The following PIGH variants were observed in gnomAD, a reference collection of about 807,000 sequenced individuals.
PIGH encodes phosphatidylinositol glycan anchor biosynthesis class H, also known as phosphatidylinositol N-acetylglucosaminyltransferase subunit H.
PIGH carries 11 observed loss-of-function variants against 20.1 expected under a neutral mutation model. The ratio of observed to expected loss-of-function variants is 0.55; its 90% confidence interval spans 0.34 to 0.91. The LOEUF is 0.91. Ranked by LOEUF, PIGH falls within the 40% of genes least tolerant of loss-of-function variation. The probability of loss-of-function intolerance (pLI) is 0.02; values close to 1 mark genes in which losing one functional copy is unlikely to be tolerated. For missense variants in PIGH, 189 were observed against 233.6 expected (o/e 0.81, Z 1.24); for synonymous variants, 72 against 93.1 (o/e 0.77, Z 1.31).
intron 1 of PIGH, among the ~76,000 whole-genome samples, chr14:67,596,479 T>C (rs2036477530): frequency 1.3e-5 from 2 of 152,104 alleles, no homozygotes; most frequent in Non-Finnish European, 1.5e-5. Context: ...AAAAAAATTA[T>C]TGATGACCTA....
chr14:67,594,343 T>A (rs2036430793), intron 1 of PIGH, among the ~76,000 whole-genome samples: 5 of 151,932 alleles, frequency 3.3e-5, no homozygotes. Context: ...CATAAGACAC[T>A]GTCTCTAAAA....
Position 67,593,592 on chromosome 14 carries a change from A to T in PIGH, c.390+151T>A, listed in dbSNP as rs1026467515. Reference sequence around the variant, plus strand: ...AAGTTGAAATGCTAATTCCCTATCCATGAAAACCTGCTGCATCTCTTTAAA... The same window carrying T: ...AAGTTGAAATGCTAATTCCCTATCCTTGAAAACCTGCTGCATCTCTTTAAA... On this transcript the variant is annotated intron_variant, in intron 2 of 3. Coordinates refer to ENST00000216452, the MANE Select transcript of PIGH (RefSeq NM_004569.5). 3 of 593,008 alleles carry T rather than the reference A, an allele frequency of 5.1e-6. No individual in the cohort carries two copies. The East Asian group carries it at 8.3e-5, about 16-fold the overall frequency. 36.7% of individuals were successfully genotyped at this position (593,008 alleles called of 1,614,324 possible).
chr14:67,589,738 C>G lies in PIGH; in HGVS notation c.*342G>C. ...CTCAAGACATCTGATGTCAGTTTCCCATTGTTTTGCTTCACAAACATCAAC... is the reference window on the plus strand; with the variant it reads ...CTCAAGACATCTGATGTCAGTTTCCGATTGTTTTGCTTCACAAACATCAAC... On this transcript the variant is annotated 3_prime_UTR_variant, in exon 4 of 4. Transcript: ENST00000216452. 2 of 1,015,316 alleles carry G rather than the reference C, an allele frequency of 2.0e-6. No homozygotes were observed. The highest frequency in any genetic ancestry group is 2.4e-6 in the Non-Finnish European group (2 of 849,792). The allele number at this position is 1,015,316 out of a possible 1,614,324, so 62.9% of individuals were successfully genotyped here. A position where few individuals can be genotyped will look rare whatever the true frequency, so the allele number is the denominator to read the frequency against.
Position 67,600,132 on chromosome 14 carries a change from CG to C in PIGH, c.71del (p.Pro24ArgfsTer40). 1.3e-6 allele frequency: 2 copies of C among 1,595,624 alleles called. No individual in the cohort carries two copies. The highest frequency in any genetic ancestry group is 1.3e-5 in the African/African-American group (1 of 74,588). ...RLALQRRYYS[P>X]SCREFCLSCP... is the part of the protein sequence containing the mutation. Reference sequence around the variant, plus strand: ...AGCTGAGGCAGAATTCCCGGCAGGACGGGGAGTAGTAGCGGCGCTGCAGCGC... The same window carrying C: ...AGCTGAGGCAGAATTCCCGGCAGGACGGGAGTAGTAGCGGCGCTGCAGCGC... On this transcript the variant is annotated frameshift_variant, in exon 1 of 4. Coordinates refer to ENST00000216452, the MANE Select transcript of PIGH (RefSeq NM_004569.5). LOFTEE classifies it high-confidence loss of function.
chr14:67,596,034 T>C (rs1006537854), intron 1 of PIGH, among the ~76,000 whole-genome samples: 2 of 152,238 alleles, frequency 1.3e-5, no homozygotes, highest in African/African-American at 4.8e-5. Flanking sequence ...CTAAGACCAA[T>C]GTATAATCTT....
rs185511501 is a variant in PIGH at position 67,599,387 on chromosome 14, G to C, written c.180+637C>G. 5.1e-3 allele frequency among the ~76,000 whole-genome samples: 772 copies of C among 152,288 alleles called. 29 individuals are homozygous for C. The South Asian group carries it at 0.086, about 17-fold the overall frequency. ...GAGATGTAGAAAATTGAGGCTCAGA[G>C]AAAACAGGAATGAATCTGGAAATTG... On this transcript the variant is annotated intron_variant, in intron 1 of 3. Coordinates refer to ENST00000216452, the MANE Select transcript of PIGH (RefSeq NM_004569.5).
Position 67,589,673 on chromosome 14 carries a change from G to C in PIGH, c.*407C>G. On this transcript the variant is annotated 3_prime_UTR_variant, in exon 4 of 4. Coordinates refer to ENST00000216452, the MANE Select transcript of PIGH (RefSeq NM_004569.5). ...CAGTACTGAAGGGCTTGTTTTTTTC[G>C]TAACTTTACACAAGGGGTACTATTG... The C allele has an allele frequency of 3.0e-6, 3 of 989,672 alleles. No homozygotes were observed. The allele number at this position is 989,672 out of a possible 1,614,324, so 61.3% of individuals were successfully genotyped here.
chr14:67,597,995 G>C (rs980478400), intron 1 of PIGH, among the ~76,000 whole-genome samples: 11 of 152,180 alleles, frequency 7.2e-5, no homozygotes, highest in Non-Finnish European at 1.0e-4. Context: ...TTAAGGATTT[G>C]ATCCATGTCA....
intron 1 of PIGH, among the ~76,000 whole-genome samples, chr14:67,598,766 GT>G (rs1566781516): frequency 6.7e-6 from 1 of 149,716 alleles, no homozygotes; most frequent in African/African-American, 2.5e-5. Flanking sequence ...CTGGAGTGCA[GT>G]GGCGTGATCT....
intron 1 of PIGH, among the ~76,000 whole-genome samples, 182 bp from the exon 2 acceptor site, chr14:67,594,134 C>T (rs2036427509): frequency 6.6e-6 from 1 of 152,208 alleles, no homozygotes; most frequent in South Asian, 2.1e-4. Flanking sequence ...AAACCTCCAT[C>T]AGCAAAATGT....
intron 1 of PIGH, among the ~76,000 whole-genome samples, chr14:67,595,635 A>G (rs1241596810): frequency 6.6e-6 from 1 of 152,168 alleles, no homozygotes; most frequent in Non-Finnish European, 1.5e-5. Flanking sequence ...CTTCTGGAAA[A>G]CTTGAGTTTA....
chr14:67,592,731 AAATC>A lies in PIGH; in HGVS notation c.391-17_391-14del. The A allele has an allele frequency of 6.7e-7, 1 of 1,495,002 alleles. No homozygotes were observed. Among genetic ancestry groups the A allele is most frequent in the Non-Finnish European group, 9.3e-7 (1 of 1,076,128 alleles). The allele number at this position is 1,495,002 out of a possible 1,614,324, so 92.6% of individuals were successfully genotyped here. A position where few individuals can be genotyped will look rare whatever the true frequency, so the allele number is the denominator to read the frequency against. ...AAATCACCTTCTGCTGTAAGAAAATAAATCAAATAGCAAAGTCTAAGTGAAACTC... is the reference window on the plus strand; with the variant it reads ...AAATCACCTTCTGCTGTAAGAAAATAAAATAGCAAAGTCTAAGTGAAACTC... On this transcript the variant is annotated splice_polypyrimidine_tract_variant and intron_variant, in intron 2 of 3. Transcript: ENST00000216452.
At chr14:67,598,946 G>A (rs1444980939) in intron 1 of PIGH, among the ~76,000 whole-genome samples, 1 of 58,020 alleles carries the variant, frequency 1.7e-5, no homozygotes, top group Non-Finnish European at 4.4e-5. Flanking sequence ...CAGACCTCAA[G>A]TGATCCGCCC....
chr14:67,595,395 G>T (rs2036455070), intron 1 of PIGH, among the ~76,000 whole-genome samples: 2 of 152,194 alleles, frequency 1.3e-5, no homozygotes, highest in Non-Finnish European at 2.9e-5. Context: ...ACCATCGTAA[G>T]TTGGGAACCA....
rs150381236 is a variant in PIGH, at chr14:67,592,099, A to G, written c.474+536T>C. ...ACAGAGTCAAAGTAGATGAATGGTG[A>G]TTTATAGGCAGAAGTTGCTATATAT... On this transcript the variant is annotated intron_variant, in intron 3 of 3. Coordinates refer to ENST00000216452, the MANE Select transcript of PIGH (RefSeq NM_004569.5). 1,254 of 175,548 alleles carry G rather than the reference A, an allele frequency of 7.1e-3. 15 individuals are homozygous for G. The highest frequency in any genetic ancestry group is 0.029 in the African/African-American group (1,193 of 41,736). The allele number at this position is 175,548 out of a possible 1,614,324, so 10.9% of individuals were successfully genotyped here.
chr14:67,596,112 C>CT (rs1317723954), intron 1 of PIGH, among the ~76,000 whole-genome samples: 3 of 151,734 alleles, frequency 2.0e-5, no homozygotes, highest in South Asian at 2.1e-4. Context: ...ATTGTTTTAT[C>CT]TTTTTTCCCA....
chr14:67,599,772 G>A lies in PIGH; in HGVS notation c.180+252C>T, dbSNP rs7149859. ...GTCGCGCAAGAACTAGATGTATGCT[G>A]AGTGAACCCACGGAGCAGAGCACAG... On this transcript the variant is annotated intron_variant, in intron 1 of 3. Coordinates refer to ENST00000216452, the MANE Select transcript of PIGH (RefSeq NM_004569.5). 4.0e-3 allele frequency among the ~76,000 whole-genome samples: 602 copies of A among 152,140 alleles called. 4 individuals are homozygous for A. The highest frequency in any genetic ancestry group is 0.014 in the African/African-American group (571 of 41,500).
chr14:67,592,845 G>A (rs2036401104), intron 2 of PIGH, 127 bp from the exon 3 acceptor site: 1 of 614,668 alleles, frequency 1.6e-6, no homozygotes, highest in Non-Finnish European at 2.9e-6. Flanking sequence ...CAGTGCAGTG[G>A]CGCAATCTCG....
rs1803668 is a variant in PIGH, at chr14:67,589,433, A to T, written c.*647T>A. 8.4e-5 allele frequency: 83 copies of T among 984,836 alleles called. No individual in the cohort carries two copies. The African/African-American group carries it at 1.3e-3, about 16-fold the overall frequency. The allele number at this position is 984,836 out of a possible 1,614,324, so 61.0% of individuals were successfully genotyped here. A position where few individuals can be genotyped will look rare whatever the true frequency, so the allele number is the denominator to read the frequency against. On this transcript the variant is annotated 3_prime_UTR_variant, in exon 4 of 4. Transcript: ENST00000216452. The stretch of plus-strand genomic sequence containing the variant: ...CAAAAGTAGCTTTTGAACTGATATA[A>T]AAAAAAATGCTGAGTAACAGAAAAG...
Sources: allele counts gnomAD v4.1 joint callset (sites outside exome capture counted in the v4.1 genomes callset), GRCh38; gene constraint gnomAD v4.1.1; transcripts MANE v1.5; gene names NCBI Gene and HGNC (gene_info 2026-07-23, HGNC 2026-07-21).